Variants in SCUBE2 observed in about 807,000 individuals in gnomAD.
SCUBE2 encodes signal peptide, CUB domain and EGF like domain containing 2.
In SCUBE2, 114 loss-of-function variants were observed where a neutral mutation model predicts 125.9. The ratio of observed to expected loss-of-function variants is 0.91; its 90% CI spans 0.78 to 1.06. SCUBE2 has a LOEUF of 1.06. Ranked by LOEUF, SCUBE2 falls within the 50% of genes least tolerant of loss-of-function variation. The pLI is 0.00. For missense variants in SCUBE2, 1,255 were observed against 1,301.8 expected (o/e 0.96, Z 0.55); for synonymous variants, 459 against 492.9 (o/e 0.93, Z 0.91).
At chr11:9,090,490 T>TG (rs1862582970) in intron 1 of SCUBE2, 1 of 76,694 alleles carries the variant, frequency 1.3e-5, no homozygotes, top group Non-Finnish European at 2.9e-5. Context: ...TATTTATTTA[T>TG]TTTTTTTTTT....
intron 18 of SCUBE2, among the ~76,000 whole-genome samples, chr11:9,030,504 T>C (rs10743097): frequency 0.65 from 98,200 of 151,998 alleles, 32,002 homozygotes; most frequent in East Asian, 0.79. Context: ...GGGGAACCTG[T>C]GTACCAACTG....
At chr11:9,053,494 G>T in intron 11 of SCUBE2, 143 bp downstream of exon 11, 1 of 976,552 alleles carries the variant, frequency 1.0e-6, no homozygotes, top group Non-Finnish European at 1.5e-6. Flanking sequence ...TCCTGTTTTT[G>T]AACTATTTAA....
At chr11:9,028,593 T>A (rs766006368) in intron 19 of SCUBE2, among the ~76,000 whole-genome samples, 2 of 152,214 alleles carry the variant, frequency 1.3e-5, no homozygotes, top group Non-Finnish European at 2.9e-5. Flanking sequence ...GTCAGGTAAA[T>A]CTGTGCAAGA....
chr11:9,084,708 C>T (rs1478175335), intron 2 of SCUBE2, among the ~76,000 whole-genome samples: 10 of 152,144 alleles, frequency 6.6e-5, no homozygotes, highest in Admixed American at 6.5e-4. Flanking sequence ...CTCATAACCT[C>T]AATTTTATCA....
chr11:9,021,966 A>G lies in SCUBE2; in HGVS notation c.2855-11T>C, dbSNP rs1341535956. On this transcript the variant is annotated splice_polypyrimidine_tract_variant and intron_variant, in intron 21 of 22. Coordinates refer to ENST00000649792, the MANE Select transcript of SCUBE2 (RefSeq NM_001367977.2). The stretch of plus-strand genomic sequence containing the variant: ...GTTCCTGGTAGTCCTCTGTTGGAAT[A>G]AAGAACATGTTTTGCATTCTTATGA... 1.9e-6 allele frequency: 3 copies of G among 1,601,544 alleles called. No individual in the cohort carries two copies. The highest frequency in any genetic ancestry group is 2.6e-6 in the Non-Finnish European group (3 of 1,168,658).
intron 5 of SCUBE2, among the ~76,000 whole-genome samples, chr11:9,067,098 G>A (rs4910431): frequency 0.71 from 108,401 of 152,112 alleles, 38,703 homozygotes; most frequent in East Asian, 0.9. Flanking sequence ...ATATAAGGGA[G>A]ATTATACCAA....
intron 3 of SCUBE2, 140 bp from the exon 4 acceptor site, chr11:9,074,755 C>G: frequency 9.9e-7 from 1 of 1,010,010 alleles, no homozygotes; most frequent in Non-Finnish European, 1.5e-6. Flanking sequence ...GAATCAAAGC[C>G]GGTAAGGTCC....
At chr11:9,081,989 A>C (rs1416413097) in intron 2 of SCUBE2, among the ~76,000 whole-genome samples, 1 of 152,156 alleles carries the variant, frequency 6.6e-6, no homozygotes, top group Non-Finnish European at 1.5e-5. Flanking sequence ...ATCCTCACAG[A>C]CATTTATTAT....
At position 9,047,376 on chromosome 11, in the gene SCUBE2, C is replaced by T. The variant is rs747808057; in HGVS notation, c.1982G>A (p.Gly661Asp). 5.8e-5 allele frequency: 93 copies of T among 1,614,094 alleles called. No individual in the cohort carries two copies. Among genetic ancestry groups the T allele is most frequent in the South Asian group, 9.9e-5 (9 of 91,092 alleles). ...RQAESCGVGQ[G>D]HAENQCVSCR... ...CTCACCACATTGGTTTTCTGCATGA[C>T]CCTGGCCCACTCCACAGGACTCTGC... Residue 661 changes from glycine (G) to aspartate (D), a missense_variant, in exon 16 of 23, where the codon GGT becomes GAT. Physicochemically the swap from Gly to Asp is moderately conservative, Grantham distance 94 (BLOSUM62 -1). Coordinates refer to ENST00000649792, the MANE Select transcript of SCUBE2 (RefSeq NM_001367977.2).
At chr11:9,045,830 G>A (rs1857675680) in intron 16 of SCUBE2, among the ~76,000 whole-genome samples, 1 of 152,168 alleles carries the variant, frequency 6.6e-6, no homozygotes, top group South Asian at 2.1e-4. Flanking sequence ...ACCTGGACCT[G>A]ATTTGATGCT....
intron 11 of SCUBE2, 115 bp from the exon 12 acceptor site, chr11:9,053,330 A>G (rs2135472114): frequency 1.2e-6 from 1 of 853,992 alleles, no homozygotes. Flanking sequence ...GCTCATGCCC[A>G]GCACAGAACA....
intron 4 of SCUBE2, among the ~76,000 whole-genome samples, chr11:9,071,134 C>A (rs186376575): frequency 6.6e-6 from 1 of 152,220 alleles, no homozygotes; most frequent in African/African-American, 2.4e-5. Flanking sequence ...TTGGGTCAGC[C>A]GAGCATGGGA....
rs1328998519 is a variant in SCUBE2 at position 9,055,852 on chromosome 11, C to T, written c.1148G>A (p.Gly383Asp). 4 of 1,614,058 alleles carry T rather than the reference C, an allele frequency of 2.5e-6. No individual in the cohort carries two copies. The highest frequency in any genetic ancestry group is 3.4e-6 in the Non-Finnish European group (4 of 1,180,036). Residue 383 changes from glycine to aspartate, a missense_variant, in exon 10 of 23, where the codon GGC becomes GAC. Gly to Asp is a moderately conservative substitution (Grantham distance 94). This residue lies in a region of SCUBE2 where 378 missense variants were observed against 463.1 expected (regional missense o/e 0.82). Coordinates refer to ENST00000649792, the MANE Select transcript of SCUBE2 (RefSeq NM_001367977.2). ...TCGGTTGCAAGCACAAGCAAATGTG[C>T]CAGGGTGGTTGATGCAGCTGTGGTC... is the stretch of plus-strand genomic sequence containing the variant. ...TCDHSCINHP[G>D]TFACACNRGY...
At chr11:9,029,492 T>TC (rs1187774895) in intron 19 of SCUBE2, among the ~76,000 whole-genome samples, 1 of 152,252 alleles carries the variant, frequency 6.6e-6, no homozygotes, top group Non-Finnish European at 1.5e-5. Context: ...CTCTGCAGCC[T>TC]CACTGCCTGA....
chr11:9,029,667 C>G, intron 19 of SCUBE2, among the ~76,000 whole-genome samples: 1 of 152,196 alleles, frequency 6.6e-6, no homozygotes. Context: ...TGTAAGTGTG[C>G]CTGAGGAAGT....
At position 9,027,302 on chromosome 11, in the gene SCUBE2, G is replaced by C; in HGVS notation, c.2701+62C>G. On this transcript the variant is annotated intron_variant, in intron 20 of 22. Coordinates refer to ENST00000649792, the MANE Select transcript of SCUBE2 (RefSeq NM_001367977.2). ...GCCTGCCTCCTCACATTGAAAGCCT[G>C]AGGAGCAGGTCATCAGGCTTCCCAG... 5 of 1,531,266 alleles carry C rather than the reference G, an allele frequency of 3.3e-6. No individual in the cohort carries two copies. The South Asian group carries it at 5.7e-5, about 18-fold the overall frequency. The allele number at this position is 1,531,266 out of a possible 1,614,324, so 94.9% of individuals were successfully genotyped here.
chr11:9,025,219 T>A (rs774357119), intron 21 of SCUBE2, among the ~76,000 whole-genome samples: 14 of 152,176 alleles, frequency 9.2e-5, no homozygotes, highest in African/African-American at 2.7e-4. Flanking sequence ...GGACCAGAAC[T>A]AAGGTCCTTC....
intron 7 of SCUBE2, among the ~76,000 whole-genome samples, chr11:9,062,025 C>A (rs1321135098): frequency 6.6e-6 from 1 of 152,130 alleles, no homozygotes; most frequent in Non-Finnish European, 1.5e-5. Flanking sequence ...ATGTGACTAC[C>A]CTTCTCCTAT....
intron 7 of SCUBE2, among the ~76,000 whole-genome samples, chr11:9,065,448 C>T (rs1564834723): frequency 6.6e-6 from 1 of 152,200 alleles, no homozygotes; most frequent in Non-Finnish European, 1.5e-5. Flanking sequence ...TTATAAGTTT[C>T]CTGAGGCCTC....
Sources: allele counts gnomAD v4.1 joint callset (sites outside exome capture counted in the v4.1 genomes callset), GRCh38; gene constraint gnomAD v4.1.1; regional missense constraint gnomAD v4.1.1; transcripts MANE v1.5; gene names NCBI Gene and HGNC (gene_info 2026-07-23, HGNC 2026-07-21).